Variants in AHSA1 observed in about 807,000 individuals in gnomAD.
AHSA1 encodes activator of 90 kDa heat shock protein ATPase homolog 1.
A neutral mutation model predicts 46.1 loss-of-function variants in AHSA1; 14 were observed. The observed-to-expected ratio is 0.30, with a 90% CI of 0.20 to 0.47. The LOEUF is 0.47. Ranked by LOEUF, AHSA1 falls within the 20% of genes least tolerant of loss-of-function variation. The pLI is 0.99. For synonymous variants in AHSA1, 147 were observed against 145.8 expected (o/e 1.01, Z -0.06); for missense variants, 333 against 415.9 (o/e 0.80, Z 1.73).
At position 77,468,099 on chromosome 14, in the gene AHSA1, C is replaced by T. The variant is rs1594941495; in HGVS notation, c.707C>T (p.Thr236Ile). 2.4e-6 allele frequency: 3 copies of T among 1,230,696 alleles called. No individual in the cohort carries two copies. The highest frequency in any genetic ancestry group is 1.6e-5 in the African/African-American group (1 of 63,876). 76.2% of individuals were successfully genotyped at this position (1,230,696 alleles called of 1,614,324 possible). Residue 236 changes from threonine to isoleucine, a missense_variant, in exon 7 of 9, where the codon ACC becomes ATC. Coordinates refer to ENST00000216479, the MANE Select transcript of AHSA1 (RefSeq NM_012111.3). ...FTTQELVQAF[T>I]HAPATLEADR... is the part of the protein sequence containing the mutation. The stretch of plus-strand genomic sequence containing the variant: ...TCCCTGCAGCTGGTGCAGGCCTTTA[C>T]CCATGCTCCTGCAACATTAGAAGCA...
rs754211321 is a variant in AHSA1, at chr14:77,465,686, T to G, written c.690+19T>G. 2.5e-6 allele frequency: 4 copies of G among 1,612,078 alleles called. No homozygotes were observed. Among genetic ancestry groups the G allele is most frequent in the South Asian group, 2.2e-5 (2 of 91,008 alleles). On this transcript the variant is annotated intron_variant, in intron 6 of 8. Coordinates refer to ENST00000216479, the MANE Select transcript of AHSA1 (RefSeq NM_012111.3). ...CCAAGAGGTAAGTAAGTCTTGTCCT[T>G]CAGGCCTCATGCCATCTGCCCTTCT... is the stretch of plus-strand genomic sequence containing the variant.
chr14:77,459,343 A>G (rs990777084), intron 1 of AHSA1, among the ~76,000 whole-genome samples: 1 of 152,224 alleles, frequency 6.6e-6, no homozygotes, highest in African/African-American at 2.4e-5. Flanking sequence ...TAAAGTATCA[A>G]GTATTCCCCC....
Position 77,465,687 on chromosome 14 carries a change from C to A in AHSA1, c.690+20C>A. 1 of 1,611,794 alleles carries A rather than the reference C, an allele frequency of 6.2e-7. No homozygotes were observed. The highest frequency in any genetic ancestry group is 1.1e-5 in the South Asian group (1 of 90,960). ...CAAGAGGTAAGTAAGTCTTGTCCTT[C>A]AGGCCTCATGCCATCTGCCCTTCTA... On this transcript the variant is annotated intron_variant, in intron 6 of 8. Transcript: ENST00000216479.
chr14:77,469,402 T>A lies in AHSA1; in HGVS notation c.*153T>A. ...ATACCTTGGGTTTGTGCATGTTTTC[T>A]GCTGGGTGGGTTCAGAGGGCAATTT... On this transcript the variant is annotated 3_prime_UTR_variant, in exon 9 of 9. Coordinates refer to ENST00000216479, the MANE Select transcript of AHSA1 (RefSeq NM_012111.3). The A allele has an allele frequency of 1.2e-6, 1 of 842,428 alleles. No individual in the cohort carries two copies. Among genetic ancestry groups the A allele is most frequent in the Non-Finnish European group, 1.8e-6 (1 of 553,092 alleles). The allele number at this position is 842,428 out of a possible 1,614,324, so 52.2% of individuals were successfully genotyped here.
intron 2 of AHSA1, among the ~76,000 whole-genome samples, chr14:77,460,829 T>C (rs530069637): frequency 9.9e-5 from 15 of 151,944 alleles, no homozygotes; most frequent in Admixed American, 2.6e-4. Context: ...GACTAAAAAT[T>C]GGTAGCATAG....
At chr14:77,457,871 T>A (rs146739874), upstream of AHSA1, 9 of 484,138 alleles carry the variant, frequency 1.9e-5, no homozygotes, top group Non-Finnish European at 3.3e-5. Context: ...TGAGACGTGT[T>A]CTTTGTTTTC....
At chr14:77,458,064 C>A (rs2078992998), upstream of AHSA1, 5 of 777,746 alleles carry the variant, frequency 6.4e-6, no homozygotes, top group Non-Finnish European at 7.7e-6. Context: ...GAGGGAAAAG[C>A]AAGCCAGGAG....
chr14:77,462,614 T>C, intron 3 of AHSA1, 28 bp from the exon 4 acceptor site: 1 of 1,606,684 alleles, frequency 6.2e-7, no homozygotes, highest in Non-Finnish European at 8.5e-7. Context: ...TCAAGTTATT[T>C]ACCACCTACT....
chr14:77,468,973 G>T, intron 8 of AHSA1, 104 bp from the exon 9 acceptor site: 1 of 1,345,364 alleles, frequency 7.4e-7, no homozygotes, highest in Non-Finnish European at 1.0e-6. Flanking sequence ...CTGCCAAAGT[G>T]CTGGGATTAC....
At chr14:77,459,516 C>A (rs1213125747) in intron 1 of AHSA1, 100 bp from the exon 2 acceptor site, 1 of 1,247,136 alleles carries the variant, frequency 8.0e-7, no homozygotes, top group South Asian at 1.3e-5. Context: ...GTGTTCTTTT[C>A]AAACTATTTG....
At chr14:77,468,634 C>G (rs1372969080) in intron 8 of AHSA1, 126 bp downstream of exon 8, 4 of 862,316 alleles carry the variant, frequency 4.6e-6, no homozygotes, top group Non-Finnish European at 5.5e-6. Context: ...ATAATCACAG[C>G]AAACTGCAGC....
intron 3 of AHSA1, 46 bp from the exon 4 acceptor site, chr14:77,462,596 G>T (rs775172866): frequency 6.4e-7 from 1 of 1,562,812 alleles, no homozygotes; most frequent in South Asian, 1.1e-5. Flanking sequence ...CCATAATGAG[G>T]GTGCCCCTCA....
rs11539461 is a variant in AHSA1 at position 77,469,316 on chromosome 14, G to A, written c.*67G>A. 0.11 allele frequency: 176,912 copies of A among 1,561,970 alleles called. 10,569 individuals carry two copies. Among genetic ancestry groups the A allele is most frequent in the South Asian group, 0.12 (10,204 of 84,582 alleles). On this transcript the variant is annotated 3_prime_UTR_variant, in exon 9 of 9. Coordinates refer to ENST00000216479, the MANE Select transcript of AHSA1 (RefSeq NM_012111.3). ...CAGCTCTCTCCTGACTGGGGCTTGC[G>A]ACTCACAGGATTGCATCGTCCCAGC...
chr14:77,468,300 CATTTT>C (rs912550188), intron 7 of AHSA1, 116 bp downstream of exon 7: 1 of 1,116,948 alleles, frequency 9.0e-7, no homozygotes, highest in African/African-American at 1.6e-5. Context: ...GTTAATAAAA[CATTTT>C]GTTTTTCAAA....
intron 8 of AHSA1, 126 bp downstream of exon 8, chr14:77,468,634 C>T (rs1372969080): frequency 1.2e-6 from 1 of 862,256 alleles, no homozygotes; most frequent in Non-Finnish European, 1.8e-6. Context: ...ATAATCACAG[C>T]AAACTGCAGC....
intron 6 of AHSA1, among the ~76,000 whole-genome samples, chr14:77,467,108 T>C (rs12433521): frequency 0.11 from 17,462 of 152,182 alleles, 1,032 homozygotes; most frequent in Non-Finnish European, 0.12. Context: ...ATTTCATATA[T>C]ATGGAGTAGG....
chr14:77,468,415 A>G (rs4903584), intron 7 of AHSA1, 42 bp from the exon 8 acceptor site: 803,848 of 1,558,610 alleles, frequency 0.52, 217,257 homozygotes, highest in East Asian at 0.93. Flanking sequence ...GATTGGGTAC[A>G]TTGTAGTATA....
At chr14:77,468,352 A>C in intron 7 of AHSA1, 105 bp from the exon 8 acceptor site, 1 of 1,246,002 alleles carries the variant, frequency 8.0e-7, no homozygotes. Flanking sequence ...CAAGTAATAT[A>C]ATTGCACAGA....
chr14:77,465,606 C>G lies in AHSA1; in HGVS notation c.629C>G (p.Thr210Ser). 1.9e-6 allele frequency: 3 copies of G among 1,614,026 alleles called. No individual in the cohort carries two copies. The highest frequency in any genetic ancestry group is 2.5e-6 in the Non-Finnish European group (3 of 1,179,876). ...VGVKIPTCKI[T>S]LKETFLTSPE... Reference sequence around the variant, plus strand: ...GTCAAAATCCCCACTTGTAAGATCACTCTTAAGGAAACCTTCCTGACGTCA... The same window carrying G: ...GTCAAAATCCCCACTTGTAAGATCAGTCTTAAGGAAACCTTCCTGACGTCA... The change falls in exon 6 of 9, where the codon ACT becomes AGT. Residue 210 changes from threonine to serine, a missense_variant. Physicochemically the swap from Thr to Ser is moderately conservative, Grantham distance 58. Transcript: ENST00000216479.
Sources: gnomAD v4.1 joint callset for allele counts (sites outside exome capture counted in the v4.1 genomes callset) on GRCh38, gnomAD v4.1.1 for gene constraint, MANE v1.5 for transcripts, NCBI Gene and HGNC (gene_info 2026-07-23, HGNC 2026-07-21) for gene names.